The following FASTKD2 variants were observed in gnomAD, a reference collection of about 807,000 sequenced individuals.
The protein encoded by FASTKD2 is FAST kinase domains 2, also known as FAST kinase domain-containing protein 2, mitochondrial.
A neutral mutation model predicts 63.6 loss-of-function variants in FASTKD2; 51 were observed. That is an observed-to-expected ratio of 0.80 (90% CI 0.64 to 1.01). FASTKD2 has a LOEUF of 1.01. FASTKD2 is among the 50% of genes least tolerant of loss of function. The pLI is 0.00. For synonymous variants in FASTKD2, 284 were observed against 293.4 expected (o/e 0.97, Z 0.33); for missense variants, 786 against 831.1 (o/e 0.95, Z 0.67).
At chr2:206,771,319 G>A in intron 4 of FASTKD2, 29 bp downstream of exon 4, 2 of 1,331,594 alleles carry the variant, frequency 1.5e-6, no homozygotes, top group Non-Finnish European at 2.2e-6. Context: ...TCTAGTGGAT[G>A]AGATTTGAAA....
intron 6 of FASTKD2, 77 bp downstream of exon 6, chr2:206,772,397 C>G: frequency 7.1e-7 from 1 of 1,402,480 alleles, no homozygotes; most frequent in Non-Finnish European, 1.0e-6. Flanking sequence ...AAGTATTTCT[C>G]TTTCACCTTT....
At chr2:206,771,753 C>T (rs1689689070) in intron 4 of FASTKD2, 141 bp from the exon 5 acceptor site, 4 of 650,734 alleles carry the variant, frequency 6.1e-6, no homozygotes, top group Non-Finnish European at 1.1e-5. Context: ...ACATGGGCGG[C>T]TGAGGCAGGA....
At chr2:206,786,942 C>A in intron 8 of FASTKD2, 43 bp downstream of exon 8, 5 of 1,024,860 alleles carry the variant, frequency 4.9e-6, no homozygotes, top group Non-Finnish European at 4.5e-6. Context: ...GTGACCAATT[C>A]TGCACTACCA....
At chr2:206,777,497 C>T (rs1054037682) in intron 7 of FASTKD2, among the ~76,000 whole-genome samples, 6 of 152,106 alleles carry the variant, frequency 3.9e-5, no homozygotes, top group East Asian at 1.9e-4. Flanking sequence ...TATACTGAAC[C>T]GTCTTTGCAT....
rs535280179 is a variant in FASTKD2 at position 206,787,972 on chromosome 2, G to C, written c.1630G>C (p.Asp544His). Residue 544 changes from aspartate to histidine, a missense_variant, in exon 9 of 12, where the codon GAT (aspartate) becomes CAT (histidine). Transcript: ENST00000402774. ...GAATGCTTACAAGCTGCATACTTTGGATACTTGTCTAAAACTTGATGATAC... is the reference window on the plus strand; with the variant it reads ...GAATGCTTACAAGCTGCATACTTTGCATACTTGTCTAAAACTTGATGATAC... The part of the protein sequence containing the change: ...MKNAYKLHTL[D>H]TCLKLDDTVY... 2.8e-5 allele frequency: 45 copies of C among 1,612,534 alleles called. 1 individual carries two copies. In the South Asian group the frequency reaches 4.1e-4, roughly 15 times the overall value.
At chr2:206,780,093 T>C (rs1275054069) in intron 7 of FASTKD2, among the ~76,000 whole-genome samples, 1 of 152,058 alleles carries the variant, frequency 6.6e-6, no homozygotes, top group Admixed American at 6.5e-5. Context: ...AGCAAATTTT[T>C]ATAGTTACAG....
rs775074948 is a variant in FASTKD2 at position 206,787,967 on chromosome 2, C to T, written c.1625C>T (p.Thr542Ile). The T allele has an allele frequency of 5.6e-6, 9 of 1,611,558 alleles. No homozygotes were observed. Residue 542 changes from threonine to isoleucine, a missense_variant, in exon 9 of 12, where the codon ACT (threonine) becomes ATT (isoleucine). Transcript: ENST00000402774. ...DDMKNAYKLH[T>I]LDTCLKLDDT... ...ATGAAGAATGCTTACAAGCTGCATA[C>T]TTTGGATACTTGTCTAAAACTTGAT...
chr2:206,768,089 G>C (rs1689573930), intron 2 of FASTKD2, among the ~76,000 whole-genome samples: 1 of 152,182 alleles, frequency 6.6e-6, no homozygotes, highest in African/African-American at 2.4e-5. Context: ...CAGAAAAATA[G>C]GAACCAAATC....
chr2:206,772,282 T>C lies in FASTKD2; in HGVS notation c.1216T>C (p.Tyr406His). ...NLDLFKGLAD[Y>H]VAATFDIWKF... ...GGATCTCTTCAAGGGACTTGCAGAT[T>C]ATGTGGCTGCAACTTTCGACATCTG... is the stretch of plus-strand genomic sequence containing the variant. The change falls in exon 6 of 12, where the codon TAT becomes CAT. Residue 406 changes from tyrosine (Y) to histidine (H), a missense_variant. Physicochemically the swap from Tyr to His is moderately conservative, Grantham distance 83 (BLOSUM62 2). Transcript: ENST00000402774. The C allele has an allele frequency of 1.2e-6, 2 of 1,613,974 alleles. No individual in the cohort carries two copies. Among genetic ancestry groups the C allele is most frequent in the Non-Finnish European group, 1.7e-6 (2 of 1,179,826 alleles).
chr2:206,782,856 T>C (rs901791262), intron 7 of FASTKD2, among the ~76,000 whole-genome samples: 4 of 152,144 alleles, frequency 2.6e-5, no homozygotes, highest in Admixed American at 2.6e-4. Context: ...CAAGTTCTTA[T>C]GACAATGCCC....
At chr2:206,771,595 T>C (rs957863445) in intron 4 of FASTKD2, among the ~76,000 whole-genome samples, 1 of 142,290 alleles carries the variant, frequency 7.0e-6, no homozygotes, top group Non-Finnish European at 1.5e-5. Context: ...GGCAGGGAGA[T>C]CTCTTGATCC....
At position 206,786,644 on chromosome 2, in the gene FASTKD2, G is replaced by GGCTGATTTTCTTATCTCTTTTCTTT. The variant is rs1690144168; in HGVS notation, c.1428-87_1428-63dup. The GGCTGATTTTCTTATCTCTTTTCTTT allele has an allele frequency of 1.1e-5, 13 of 1,144,146 alleles. No individual in the cohort carries two copies. In the South Asian group the frequency reaches 1.6e-4, roughly 14 times the overall value. 70.9% of individuals were successfully genotyped at this position (1,144,146 alleles called of 1,614,324 possible). On this transcript the variant is annotated intron_variant, in intron 7 of 11. Coordinates refer to ENST00000402774, the MANE Select transcript of FASTKD2 (RefSeq NM_001136193.2). The stretch of plus-strand genomic sequence containing the variant: ...ATGATGTGTGGATACTTACTTGCAA[G>GGCTGATTTTCTTATCTCTTTTCTTT]GCTGATTTTCTTATCTCTTTTCTTT...
intron 1 of FASTKD2, among the ~76,000 whole-genome samples, chr2:206,766,033 G>A (rs1243703311): frequency 6.6e-6 from 1 of 152,018 alleles, no homozygotes; most frequent in African/African-American, 2.4e-5. Context: ...GCCGAGGCGG[G>A]TGGATTACCT....
At position 206,767,325 on chromosome 2, in the gene FASTKD2, C is replaced by G; in HGVS notation, c.632C>G (p.Pro211Arg). 1 of 1,614,176 alleles carries G rather than the reference C, an allele frequency of 6.2e-7. No homozygotes were observed. The part of the protein sequence containing the change: ...RFEKRLMFSH[P>R]AFNQLCEHMM... ...GAAAAACGACTGATGTTTAGCCACC[C>G]TGCATTTAATCAGCTCTGTGAACAT... Residue 211 changes from proline to arginine, a missense_variant, in exon 2 of 12, where the codon CCT (proline) becomes CGT (arginine). Pro to Arg is a moderately radical substitution (Grantham distance 103). Transcript: ENST00000402774.
rs1690379082 is a variant in FASTKD2, at chr2:206,794,209, T to C, written c.*2407T>C. On this transcript the variant is annotated 3_prime_UTR_variant, in exon 12 of 12. Coordinates refer to ENST00000402774, the MANE Select transcript of FASTKD2 (RefSeq NM_001136193.2). ...AAAGGTTCCTGTCTTTGCTTTTTTC[T>C]CTGTCCCCTAAACAACCACTGATCT... Among the ~76,000 whole-genome samples the C allele has an allele frequency of 6.6e-6, 1 of 152,186 alleles. No homozygotes were observed. The highest frequency in any genetic ancestry group is 1.5e-5 in the Non-Finnish European group (1 of 68,030).
rs1322973789 is a variant in FASTKD2 at position 206,787,993 on chromosome 2, G to A, written c.1651G>A (p.Asp551Asn). 2.5e-6 allele frequency: 4 copies of A among 1,613,734 alleles called. No individual in the cohort carries two copies. The highest frequency in any genetic ancestry group is 3.4e-6 in the Non-Finnish European group (4 of 1,179,772). The change falls in exon 9 of 12, where the codon GAT becomes AAT. Residue 551 changes from aspartate to asparagine, a missense_variant. Asp to Asn is a conservative substitution (Grantham distance 23). Transcript: ENST00000402774. ...HTLDTCLKLDDTVYLRDIALS... is the reference protein window; with the variant it reads ...HTLDTCLKLDNTVYLRDIALS... ...TTTGGATACTTGTCTAAAACTTGATGATACTGTCTATCTGAGGGACATAGC... is the reference window on the plus strand; with the variant it reads ...TTTGGATACTTGTCTAAAACTTGATAATACTGTCTATCTGAGGGACATAGC...
Position 206,772,300 on chromosome 2 carries a change from G to C in FASTKD2, c.1234G>C (p.Asp412His), listed in dbSNP as rs777758267. 6.8e-6 allele frequency: 11 copies of C among 1,613,954 alleles called. No individual in the cohort carries two copies. The highest frequency in any genetic ancestry group is 9.3e-6 in the Non-Finnish European group (11 of 1,179,906). Residue 412 changes from aspartate (D) to histidine (H), a missense_variant, in exon 6 of 12, where the codon GAC becomes CAC. Coordinates refer to ENST00000402774, the MANE Select transcript of FASTKD2 (RefSeq NM_001136193.2). ...GLADYVAATF[D>H]IWKFRKVLFI... ...TGCAGATTATGTGGCTGCAACTTTC[G>C]ACATCTGGAAGTTCAGAAAAGTGAG...
intron 7 of FASTKD2, 118 bp downstream of exon 7, chr2:206,774,515 A>G (rs1689772287): frequency 2.0e-5 from 14 of 709,848 alleles, no homozygotes; most frequent in Non-Finnish European, 3.1e-5. Flanking sequence ...ATCCATGCCA[A>G]TAAATAAAAC....
chr2:206,781,304 ATTTTTTTTTTTTTTTT>A (rs71034473), intron 7 of FASTKD2, among the ~76,000 whole-genome samples: 1 of 75,938 alleles, frequency 1.3e-5, no homozygotes, highest in Non-Finnish European at 2.6e-5. Context: ...TTTTTCTATG[ATTTTTTTTTTTTTTTT>A]TTTTTTTTTT....
Sources: gnomAD v4.1 joint callset for allele counts (sites outside exome capture counted in the v4.1 genomes callset) on GRCh38, gnomAD v4.1.1 for gene constraint, MANE v1.5 for transcripts, NCBI Gene and HGNC (gene_info 2026-07-23, HGNC 2026-07-21) for gene names.